The following AATK variants were observed in gnomAD, a reference collection of about 807,000 sequenced individuals.
AATK encodes the protein lemur tail kinase 1.
A neutral mutation model predicts 114.3 loss-of-function variants in AATK; 91 were observed. That is an observed-to-expected ratio of 0.80 (90% CI 0.67 to 0.95). The LOEUF is 0.95. Among genes scored for constraint, AATK ranks in the 40% least tolerant of loss-of-function variants. The pLI, the probability that AATK is intolerant of heterozygous loss-of-function variation, is 0.00. For missense variants in AATK, 2,176 were observed against 1,965.2 expected (o/e 1.11, Z -2.03); for synonymous variants, 1,075 against 916.5 (o/e 1.17, Z -3.12).
intron 1 of AATK, among the ~76,000 whole-genome samples, chr17:81,138,823 T>A (rs114449148): frequency 0.012 from 1,665 of 141,516 alleles, 40 homozygotes; most frequent in African/African-American, 0.042. Flanking sequence ...CACACCCACG[T>A]GAGCGCACAC....
In AATK at chr17:81,122,415, G is replaced by A. The variant is rs1484860864; in HGVS notation, c.1521C>T (p.Ala507=). ...CCACGCCCGGGGGCGCGCCGTCGGG[G>A]GCGCACAGCTCCTGCAGGCGTGCGG... ...GRTARLQELC[A]PDGAPPGVVP... The change falls in exon 11 of 14, where the codon GCC becomes GCT. Residue 507 remains alanine, a synonymous_variant. Coordinates refer to ENST00000326724, the MANE Select transcript of AATK (RefSeq NM_001080395.3). 2 of 1,462,924 alleles carry A rather than the reference G, an allele frequency of 1.4e-6. No individual in the cohort carries two copies. The allele number at this position is 1,462,924 out of a possible 1,614,324, so 90.6% of individuals were successfully genotyped here. A position where few individuals can be genotyped will look rare whatever the true frequency, so the allele number is the denominator to read the frequency against.
chr17:81,119,173 T>C (rs28499285), intron 13 of AATK, among the ~76,000 whole-genome samples: 1,374 of 43,240 alleles, frequency 0.032, 6 homozygotes, highest in East Asian at 0.068. Context: ...CAGGTGAGGG[T>C]CAGGTGAGGG....
chr17:81,126,315 G>T lies in AATK; in HGVS notation c.755+112C>A. The T allele has an allele frequency of 7.5e-7, 1 of 1,336,962 alleles. No homozygotes were observed. Among genetic ancestry groups the T allele is most frequent in the Non-Finnish European group, 1.0e-6 (1 of 999,832 alleles). 82.8% of individuals were successfully genotyped at this position (1,336,962 alleles called of 1,614,324 possible). A position where few individuals can be genotyped will look rare whatever the true frequency, so the allele number is the denominator to read the frequency against. ...GTGGTTGTCTGATGCTGCATGAGAT[G>T]AACCTGGCCGGTCCTCGCAAGCCCC... On this transcript the variant is annotated intron_variant, in intron 7 of 13. Coordinates refer to ENST00000326724, the MANE Select transcript of AATK (RefSeq NM_001080395.3). The surrounding 1 kb of genome is among the most constrained non-coding windows in gnomAD (Gnocchi z 5.1).
rs772818947 is a variant in AATK, at chr17:81,122,231, C to T, written c.1705G>A (p.Ala569Thr). ...AGCGGCTCCATGGCCAGCGAGGCGG[C>T]GGTGCTGCCGTCAGAGTCGTCGTCC... is the stretch of plus-strand genomic sequence containing the variant. ...DQDDDSDGST[A>T]ASLAMEPLLG... The change falls in exon 11 of 14, where the codon GCC (alanine) becomes ACC (threonine). Residue 569 changes from alanine (A) to threonine (T), a missense_variant. Transcript: ENST00000326724. 70 of 1,490,640 alleles carry T rather than the reference C, an allele frequency of 4.7e-5. No individual in the cohort carries two copies. The highest frequency in any genetic ancestry group is 1.9e-4 in the Middle Eastern group (1 of 5,390). 92.3% of individuals were successfully genotyped at this position (1,490,640 alleles called of 1,614,324 possible).
chr17:81,156,701 T>C (rs2061371481), intron 1 of AATK, among the ~76,000 whole-genome samples: 1 of 152,246 alleles, frequency 6.6e-6, no homozygotes, highest in Non-Finnish European at 1.5e-5. Context: ...CCAGACTAAA[T>C]GTCTTCTAAA....
intron 1 of AATK, among the ~76,000 whole-genome samples, chr17:81,147,628 C>T (rs986230227): frequency 3.3e-5 from 5 of 151,658 alleles, no homozygotes; most frequent in African/African-American, 4.8e-5. Flanking sequence ...TAGTGGCACA[C>T]ACCTGTGGTC....
intron 9 of AATK, 138 bp from the exon 10 acceptor site, chr17:81,123,481 C>A: frequency 1.3e-6 from 1 of 743,360 alleles, no homozygotes; most frequent in Non-Finnish European, 1.9e-6. Flanking sequence ...ACCATACCAG[C>A]CGCCCCTCCC....
intron 1 of AATK, among the ~76,000 whole-genome samples, chr17:81,162,150 C>T (rs1164958449): frequency 2.0e-5 from 3 of 152,102 alleles, no homozygotes; most frequent in African/African-American, 4.8e-5. Flanking sequence ...GAGCCGGACC[C>T]GTGCCCAGGG....
chr17:81,139,643 A>G (rs1331995749), intron 1 of AATK, among the ~76,000 whole-genome samples: 1 of 151,594 alleles, frequency 6.6e-6, no homozygotes, highest in African/African-American at 2.4e-5. Flanking sequence ...AGGCCTTATG[A>G]GAGCCCAAGT....
chr17:81,129,522 C>T (rs982583226), intron 3 of AATK, among the ~76,000 whole-genome samples: 5 of 152,208 alleles, frequency 3.3e-5, no homozygotes, highest in African/African-American at 1.2e-4. Context: ...CCGCTGACCT[C>T]TGGGGCTACT....
At chr17:81,138,427 A>C (rs2061058764) in intron 1 of AATK, among the ~76,000 whole-genome samples, 1 of 144,314 alleles carries the variant, frequency 6.9e-6, no homozygotes. Flanking sequence ...ATACCCATAC[A>C]CATGCAAACA....
At position 81,121,384 on chromosome 17, in the gene AATK, G is replaced by C; in HGVS notation, c.2552C>G (p.Pro851Arg). The part of the protein sequence containing the change: ...ASALNGSSSS[P>R]EVEAPSSEDE... ...CTCACTGCTGGGTGCCTCCACCTCG[G>C]GAGAGCTGCTGCTGCCATTCAGGGC... The change falls in exon 11 of 14, where the codon CCC becomes CGC. Residue 851 changes from proline to arginine, a missense_variant. By Grantham distance (103) the Pro-to-Arg change is moderately radical. This residue lies in a region of AATK where 1,701 missense variants were observed against 1,394.7 expected (regional missense o/e 1.22). Coordinates refer to ENST00000326724, the MANE Select transcript of AATK (RefSeq NM_001080395.3). The C allele has an allele frequency of 6.2e-7, 1 of 1,610,064 alleles. No homozygotes were observed. Among genetic ancestry groups the C allele is most frequent in the Non-Finnish European group, 8.5e-7 (1 of 1,179,148 alleles).
chr17:81,125,820 G>A, intron 7 of AATK: 1 of 452,510 alleles, frequency 2.2e-6, no homozygotes. Flanking sequence ...GAGTGGGGTG[G>A]GTTGGGGTTG....
At chr17:81,125,961 C>A in intron 7 of AATK, 1 of 479,846 alleles carries the variant, frequency 2.1e-6, no homozygotes, top group Non-Finnish European at 4.3e-6. Flanking sequence ...GACAGCCGTG[C>A]GGCGTCTGGG....
At chr17:81,131,883 T>TTTA (rs753980762) in intron 2 of AATK, 2 of 1,321,366 alleles carry the variant, frequency 1.5e-6, no homozygotes, top group South Asian at 2.4e-5. Context: ...ACCGGCCACC[T>TTTA]TTACCCTGGG....
intron 2 of AATK, chr17:81,132,727 G>T (rs943947631): frequency 1.4e-5 from 4 of 284,644 alleles, no homozygotes; most frequent in African/African-American, 2.3e-5. Context: ...AGCATTGGGG[G>T]CCTGCCCAGC....
At chr17:81,136,004 A>T (rs1169497314) in intron 1 of AATK, 1 of 152,250 alleles carries the variant, frequency 6.6e-6, no homozygotes, top group Non-Finnish European at 1.5e-5. Flanking sequence ...GACACCCTGC[A>T]CACCGGGTAA....
rs1342051929 is a variant in AATK, at chr17:81,154,674, G to A, written c.55+11264C>T. On this transcript the variant is annotated intron_variant, in intron 1 of 13. Transcript: ENST00000326724. ...AGTCAGAGTCTCGCTCTGTCGCCCA[G>A]GCTGGAGTGCAATGGCACAATCTCG... Among the ~76,000 whole-genome samples, 4 of 141,986 alleles carry A rather than the reference G, an allele frequency of 2.8e-5. No individual in the cohort carries two copies. The South Asian group carries it at 6.9e-4, about 25-fold the overall frequency. 93.1% of individuals were successfully genotyped at this position (141,986 alleles called of 152,430 possible).
At chr17:81,153,992 A>AATTCTCCG (rs2061330065) in intron 1 of AATK, among the ~76,000 whole-genome samples, 10 of 152,064 alleles carry the variant, frequency 6.6e-5, no homozygotes, top group Middle Eastern at 3.2e-3. Flanking sequence ...AATTGCTTGA[A>AATTCTCCG]CCTGGGAGGC....
Sources: gnomAD v4.1 joint callset for allele counts (sites outside exome capture counted in the v4.1 genomes callset) on GRCh38, gnomAD v4.1.1 for gene constraint, gnomAD v4.1.1 regional missense constraint, Gnocchi (gnomAD v3.1) non-coding constraint, MANE v1.5 for transcripts, NCBI Gene and HGNC (gene_info 2026-07-23, HGNC 2026-07-21) for gene names.